SEC23IP: variants seen among roughly 807,000 people sequenced by gnomAD.
SEC23IP encodes the protein SEC23-interacting protein.
SEC23IP carries 70 observed loss-of-function variants against 113.4 expected under a neutral mutation model. The observed-to-expected ratio is 0.62, with a 90% confidence interval of 0.51 to 0.75. The LOEUF (loss-of-function observed/expected upper bound fraction) is 0.75, where lower values mean the gene tolerates loss of function less well. Among genes scored for constraint, SEC23IP ranks in the 30% least tolerant of loss-of-function variants. SEC23IP has a pLI of 0.00. For missense variants in SEC23IP, 1,160 were observed against 1,204.9 expected (o/e 0.96, Z 0.55); for synonymous variants, 398 against 421.0 (o/e 0.95, Z 0.67).
chr10:119,910,798 C>T (rs1040319020), intron 5 of SEC23IP, among the ~76,000 whole-genome samples: 1 of 152,112 alleles, frequency 6.6e-6, no homozygotes, highest in Admixed American at 6.5e-5. Flanking sequence ...CCTCCTGCCT[C>T]AGCCTCCCGA....
intron 18 of SEC23IP, among the ~76,000 whole-genome samples, chr10:119,939,284 A>G (rs1490430745): frequency 6.6e-6 from 1 of 152,084 alleles, no homozygotes; most frequent in African/African-American, 2.4e-5. Context: ...GTACCACTGC[A>G]CTCCAGCCTG....
Position 119,944,562 on chromosome 10 carries a change from G to A in SEC23IP, c.*3997G>A, listed in dbSNP as rs1038609774. 2.0e-5 allele frequency: 3 copies of A among 152,188 alleles called. No individual in the cohort carries two copies. Among genetic ancestry groups the A allele is most frequent in the African/African-American group, 4.8e-5 (2 of 41,438 alleles). The allele number at this position is 152,188 out of a possible 1,614,324, so 9.4% of individuals were successfully genotyped here. A position where few individuals can be genotyped will look rare whatever the true frequency, so the allele number is the denominator to read the frequency against. On this transcript the variant is annotated 3_prime_UTR_variant, in exon 19 of 19. Transcript: ENST00000369075. ...AGGTTGGAAAGAACATCACAACTGG[G>A]GCGACTGAAGAAATTATGTTGTTAA...
chr10:119,904,039 A>G (rs1293381674), intron 3 of SEC23IP, 45 bp from the exon 4 acceptor site: 2 of 1,591,424 alleles, frequency 1.3e-6, no homozygotes, highest in African/African-American at 1.3e-5. Flanking sequence ...TTATTTTACA[A>G]TATGCCTTGC....
intron 8 of SEC23IP, 43 bp from the exon 9 acceptor site, chr10:119,917,793 G>A: frequency 1.4e-6 from 2 of 1,460,994 alleles, no homozygotes; most frequent in South Asian, 1.2e-5. Flanking sequence ...GTAAATTTAA[G>A]GTAGATGCTG....
intron 8 of SEC23IP, 123 bp downstream of exon 8, chr10:119,916,012 A>T: frequency 1.3e-6 from 1 of 775,232 alleles, no homozygotes; most frequent in Non-Finnish European, 1.8e-6. Context: ...TATACTTCTG[A>T]CATATAATTA....
chr10:119,938,015 GC>G (rs1237108095), intron 18 of SEC23IP, among the ~76,000 whole-genome samples: 1 of 151,716 alleles, frequency 6.6e-6, no homozygotes, highest in African/African-American at 2.4e-5. Flanking sequence ...CTTAAAATCT[GC>G]TGTTGGGGCT....
intron 1 of SEC23IP, 165 bp from the exon 2 acceptor site, chr10:119,898,262 C>A: frequency 1.6e-6 from 2 of 1,226,378 alleles, no homozygotes; most frequent in Middle Eastern, 2.9e-4. Context: ...TTCTAAGAAG[C>A]AAGTTTTCAA....
At chr10:119,928,746 A>T (rs574649298) in intron 13 of SEC23IP, among the ~76,000 whole-genome samples, 1 of 152,392 alleles carries the variant, frequency 6.6e-6, no homozygotes, top group East Asian at 1.9e-4. Flanking sequence ...GTACAGTGCT[A>T]TTCAGATGAC....
At chr10:119,931,119 A>G (rs908728108) in intron 15 of SEC23IP, among the ~76,000 whole-genome samples, 8 of 152,138 alleles carry the variant, frequency 5.3e-5, no homozygotes, top group Non-Finnish European at 1.2e-4. Context: ...AACAGTAGAA[A>G]AAGTGAAGGA....
At chr10:119,896,552 A>C (rs1854289853) in intron 1 of SEC23IP, among the ~76,000 whole-genome samples, 1 of 152,198 alleles carries the variant, frequency 6.6e-6, no homozygotes, top group African/African-American at 2.4e-5. Context: ...AACACACGAG[A>C]ATGGTCTGGG....
intron 6 of SEC23IP, among the ~76,000 whole-genome samples, chr10:119,914,037 G>A (rs1854964109): frequency 6.6e-6 from 1 of 152,054 alleles, no homozygotes; most frequent in African/African-American, 2.4e-5. Context: ...GTGGGTGCCT[G>A]TAATCCCAGC....
chr10:119,902,040 A>C (rs1854512905), intron 2 of SEC23IP, among the ~76,000 whole-genome samples: 1 of 152,186 alleles, frequency 6.6e-6, no homozygotes, highest in Non-Finnish European at 1.5e-5. Context: ...TGGAATGAGT[A>C]GGTCAAGGAG....
chr10:119,937,419 A>G (rs1855831139), intron 18 of SEC23IP, among the ~76,000 whole-genome samples: 1 of 151,740 alleles, frequency 6.6e-6, no homozygotes, highest in African/African-American at 2.4e-5. Context: ...TGAGGTCAGG[A>G]GGTTGAGACC....
chr10:119,914,478 A>G, intron 6 of SEC23IP: 1 of 457,046 alleles, frequency 2.2e-6, no homozygotes, highest in East Asian at 4.2e-5. Flanking sequence ...CCTGCTGCTC[A>G]TCATGTGCTA....
intron 6 of SEC23IP, among the ~76,000 whole-genome samples, chr10:119,912,801 C>T (rs568733086): frequency 2.6e-5 from 4 of 151,920 alleles, no homozygotes; most frequent in South Asian, 2.1e-4. Flanking sequence ...CCACCACGCC[C>T]GGCTAATTTT....
intron 14 of SEC23IP, 29 bp from the exon 15 acceptor site, chr10:119,930,300 T>C (rs780862851): frequency 1.5e-6 from 2 of 1,365,644 alleles, no homozygotes; most frequent in East Asian, 4.7e-5. Flanking sequence ...AAATTTCTTT[T>C]ATTTATTCAT....
intron 5 of SEC23IP, 84 bp downstream of exon 5, chr10:119,909,214 T>C: frequency 1.2e-6 from 1 of 863,362 alleles, no homozygotes; most frequent in South Asian, 1.7e-5. Flanking sequence ...TCATTTTTAG[T>C]AACTTCTACA....
chr10:119,928,646 A>G (rs1855495338), intron 13 of SEC23IP, among the ~76,000 whole-genome samples: 1 of 152,218 alleles, frequency 6.6e-6, no homozygotes, highest in African/African-American at 2.4e-5. Context: ...CACTTGGATT[A>G]TGCCATTCAT....
chr10:119,917,362 GCTAA>G (rs1301428997), intron 8 of SEC23IP, among the ~76,000 whole-genome samples: 1 of 151,796 alleles, frequency 6.6e-6, no homozygotes, highest in Non-Finnish European at 1.5e-5. Context: ...ATGACTTGTG[GCTAA>G]CTTTTGATTT....
Sources: allele counts gnomAD v4.1 joint callset (sites outside exome capture counted in the v4.1 genomes callset), GRCh38; gene constraint gnomAD v4.1.1; transcripts MANE v1.5; gene names NCBI Gene and HGNC (gene_info 2026-07-23, HGNC 2026-07-21).